The following NT5C2 variants were observed in gnomAD, a reference collection of about 807,000 sequenced individuals.
NT5C2 encodes 5'-nucleotidase, cytosolic II, also known as cytosolic purine 5'-nucleotidase.
In NT5C2, 58 loss-of-function variants were observed where a neutral mutation model predicts 76.1. The observed-to-expected ratio is 0.76, with a 90% CI of 0.62 to 0.95. NT5C2 has a LOEUF of 0.95. Ranked by LOEUF, NT5C2 falls within the 40% of genes least tolerant of loss-of-function variation. The probability of loss-of-function intolerance (pLI) is 0.00; values close to 1 mark genes in which losing one functional copy is unlikely to be tolerated. For missense variants in NT5C2, 478 were observed against 690.3 expected, an observed-to-expected ratio of 0.69 and a Z score of 3.45; for synonymous variants, 229 against 237.4, an observed-to-expected ratio of 0.96 and a Z score of 0.32.
rs1164674505 is a variant in NT5C2, at chr10:103,189,759, C to T, written c.-169+3477G>A. Among the ~76,000 whole-genome samples, 3 of 151,114 alleles carry T rather than the reference C, an allele frequency of 2.0e-5. No individual in the cohort carries two copies. The East Asian group carries it at 6.0e-4, about 30-fold the overall frequency. On this transcript the variant is annotated intron_variant, in intron 1 of 18. Transcript: ENST00000404739. ...TATAGGCTCACTGCAACCTCTGCCT[C>T]CCAGGTTCAAGCGATTCTCGTGTCT...
chr10:103,182,726 G>A (rs2091301611), intron 1 of NT5C2, among the ~76,000 whole-genome samples: 1 of 151,918 alleles, frequency 6.6e-6, no homozygotes, highest in Non-Finnish European at 1.5e-5. Context: ...TACATGGAAA[G>A]GATAATTTTG....
At chr10:103,148,053 A>G (rs1249977488) in intron 3 of NT5C2, among the ~76,000 whole-genome samples, 3 of 152,214 alleles carry the variant, frequency 2.0e-5, no homozygotes, top group Admixed American at 1.3e-4. Flanking sequence ...CATCCTCCGT[A>G]AAAAGTATGC....
chr10:103,128,090 T>TGTCTCCCTCTCCCCACG (rs1554973544), intron 4 of NT5C2, among the ~76,000 whole-genome samples: 3 of 134,772 alleles, frequency 2.2e-5, no homozygotes, highest in Non-Finnish European at 4.9e-5. Context: ...CCTCTCCCTC[T>TGTCTCCCTCTCCCCACG]GTCTCCCTCT....
At chr10:103,183,239 GATAT>G (rs199652627) in intron 1 of NT5C2, among the ~76,000 whole-genome samples, 1 of 104,990 alleles carries the variant, frequency 9.5e-6, no homozygotes, top group Non-Finnish European at 1.9e-5. Context: ...CATGAAAGGA[GATAT>G]ATATATATGT....
rs561945561 is a variant in NT5C2 at position 103,094,654 on chromosome 10, C to T, written c.814-199G>A. 1.7e-4 allele frequency: 85 copies of T among 491,716 alleles called. 1 individual carries two copies. Among genetic ancestry groups the T allele is most frequent in the South Asian group, 6.9e-4 (29 of 42,282 alleles). 30.5% of individuals were successfully genotyped at this position (491,716 alleles called of 1,614,324 possible). Reference sequence around the variant, plus strand: ...ATCCCAGTACTTTGGGAGGCCGAGGCGGGCAGATCACAAGGTCCGGAAATC... The same window carrying T: ...ATCCCAGTACTTTGGGAGGCCGAGGTGGGCAGATCACAAGGTCCGGAAATC... On this transcript the variant is annotated intron_variant, in intron 12 of 18. Coordinates refer to ENST00000404739, the MANE Select transcript of NT5C2 (RefSeq NM_001351169.2).
intron 1 of NT5C2, among the ~76,000 whole-genome samples, chr10:103,192,222 A>C (rs1045866302): frequency 8.5e-5 from 13 of 152,188 alleles, no homozygotes; most frequent in Non-Finnish European, 1.9e-4. Flanking sequence ...GTCTACAGAC[A>C]CTGGGAACCA....
At chr10:103,163,441 GATATTGTCA>G (rs1334610755) in intron 3 of NT5C2, among the ~76,000 whole-genome samples, 5 of 152,084 alleles carry the variant, frequency 3.3e-5, no homozygotes, top group Non-Finnish European at 7.4e-5. Flanking sequence ...GGCAACACTT[GATATTGTCA>G]ATATTTTTTA....
intron 4 of NT5C2, among the ~76,000 whole-genome samples, chr10:103,108,871 T>C (rs2072144893): frequency 6.6e-6 from 1 of 152,090 alleles, no homozygotes; most frequent in African/African-American, 2.4e-5. Context: ...TTTTTCTTTT[T>C]TTCTGAGTCA....
chr10:103,117,147 C>T (rs982749736), intron 4 of NT5C2, among the ~76,000 whole-genome samples: 2 of 151,968 alleles, frequency 1.3e-5, no homozygotes, highest in Non-Finnish European at 2.9e-5. Context: ...CTACAAATGA[C>T]GAGTATTTTT....
intron 4 of NT5C2, among the ~76,000 whole-genome samples, chr10:103,134,210 G>A (rs1271945597): frequency 6.6e-6 from 1 of 152,064 alleles, no homozygotes; most frequent in African/African-American, 2.4e-5. Flanking sequence ...GAGACAATGG[G>A]GAAAATGTCT....
chr10:103,121,607 C>T (rs993616819), intron 4 of NT5C2, among the ~76,000 whole-genome samples: 13 of 152,256 alleles, frequency 8.5e-5, no homozygotes, highest in African/African-American at 3.1e-4. Context: ...CCTGAGATGC[C>T]TCTGCTAGTA....
At chr10:103,142,241 TC>T (rs1369461333) in intron 3 of NT5C2, among the ~76,000 whole-genome samples, 2 of 152,080 alleles carry the variant, frequency 1.3e-5, no homozygotes, top group African/African-American at 4.8e-5. Context: ...TTGGACTTTA[TC>T]CCGCATTTAA....
At chr10:103,091,886 G>T (rs1030335021) in intron 15 of NT5C2, among the ~76,000 whole-genome samples, 6 of 152,096 alleles carry the variant, frequency 3.9e-5, no homozygotes, top group East Asian at 1.9e-4. Flanking sequence ...CCAGCTGCAC[G>T]CTCATTCTGA....
intron 3 of NT5C2, among the ~76,000 whole-genome samples, chr10:103,172,591 T>C (rs1393601628): frequency 6.6e-6 from 1 of 151,916 alleles, no homozygotes; most frequent in Non-Finnish European, 1.5e-5. Context: ...ATCCCAGCAG[T>C]TTGGGAGGCT....
chr10:103,173,986 C>T (rs2089081066), intron 3 of NT5C2, among the ~76,000 whole-genome samples: 1 of 151,038 alleles, frequency 6.6e-6, no homozygotes, highest in Non-Finnish European at 1.5e-5. Context: ...ATCCCAGCTA[C>T]TTGGGAGGCT....
intron 3 of NT5C2, among the ~76,000 whole-genome samples, chr10:103,156,312 C>T (rs1387812849): frequency 6.6e-6 from 1 of 152,174 alleles, no homozygotes; most frequent in African/African-American, 2.4e-5. Flanking sequence ...TAATTAGATT[C>T]ATTTTAAAGT....
intron 3 of NT5C2, among the ~76,000 whole-genome samples, chr10:103,154,472 AT>A (rs2133859283): frequency 6.6e-6 from 1 of 152,338 alleles, no homozygotes; most frequent in South Asian, 2.1e-4. Flanking sequence ...TTTTCAGTTT[AT>A]TTAGAAAAGC....
chr10:103,111,857 G>C, intron 4 of NT5C2: 3 of 1,150,396 alleles, frequency 2.6e-6, no homozygotes, highest in Non-Finnish European at 3.3e-6. Flanking sequence ...AACAAAAGCT[G>C]GTTTTAAAAC....
At chr10:103,172,557 C>T (rs192890109) in intron 3 of NT5C2, among the ~76,000 whole-genome samples, 17 of 152,022 alleles carry the variant, frequency 1.1e-4, no homozygotes, top group Admixed American at 1.0e-3. Flanking sequence ...ATTTGGGGAC[C>T]ACTCACGGTG....
Sources: gnomAD v4.1 joint callset for allele counts (sites outside exome capture counted in the v4.1 genomes callset) on GRCh38, gnomAD v4.1.1 for gene constraint, MANE v1.5 for transcripts, NCBI Gene and HGNC (gene_info 2026-07-23, HGNC 2026-07-21) for gene names.